The following FREM1 variants were observed in gnomAD, a reference collection of about 807,000 sequenced individuals.
FREM1 encodes FRAS1 related extracellular matrix 1, also known as FRAS1-related extracellular matrix protein 1.
A neutral mutation model predicts 210.1 loss-of-function variants in FREM1; 220 were observed. The ratio of observed to expected loss-of-function variants is 1.05; its 90% confidence interval spans 0.94 to 1.17. The LOEUF is 1.17. Among genes scored for constraint, FREM1 ranks in the 50% most tolerant of loss-of-function variants. The pLI is 0.00. For missense variants in FREM1, 3,454 were observed against 2,675.5 expected (o/e 1.29, Z -6.42); for synonymous variants, 1,189 against 980.2 (o/e 1.21, Z -3.98).
chr9:14,904,114 C>CAAAAA (rs35708320), intron 1 of FREM1, among the ~76,000 whole-genome samples: 2 of 71,652 alleles, frequency 2.8e-5, no homozygotes, highest in Non-Finnish European at 5.0e-5. Flanking sequence ...GACTCCGTCT[C>CAAAAA]AAAAAAAAAA....
rs1452400115 is a variant in FREM1, at chr9:14,792,011, A to AT, written c.3981+731dup. On this transcript the variant is annotated intron_variant, in intron 22 of 36. Coordinates refer to ENST00000380880, the MANE Select transcript of FREM1 (RefSeq NM_001379081.2). Reference sequence around the variant, plus strand: ...ATGTGTGTGCTGCCACACCCGGCTAATTTTTGCATTTTTAGTAGAGATGGG... The same window carrying AT: ...ATGTGTGTGCTGCCACACCCGGCTAATTTTTTGCATTTTTAGTAGAGATGGG... 3.9e-5 allele frequency among the ~76,000 whole-genome samples: 6 copies of AT among 152,016 alleles called. No individual in the cohort carries two copies. In the Middle Eastern group the frequency reaches 0.014, roughly 345 times the overall value.
rs747374127 is a variant in FREM1, at chr9:14,740,200, G to C, written c.6289C>G (p.Gln2097Glu). ...ATGTCCCAGAGCCACCGCATGTGCTGCCTGGAGAATACAGTTACAAGGTTG... is the reference window on the plus strand; with the variant it reads ...ATGTCCCAGAGCCACCGCATGTGCTCCCTGGAGAATACAGTTACAAGGTTG... ...LGNLVTVFSR[Q>E]HMRWLWDIGG... is the part of the protein sequence containing the mutation. The change falls in exon 36 of 37, where the codon CAG (glutamine) becomes GAG (glutamate). Residue 2097 changes from glutamine to glutamate, a missense_variant. By Grantham distance (29) the Gln-to-Glu change is conservative (BLOSUM62 2). Transcript: ENST00000380880. 3 of 1,613,078 alleles carry C rather than the reference G, an allele frequency of 1.9e-6. No homozygotes were observed. Among genetic ancestry groups the C allele is most frequent in the African/African-American group, 2.7e-5 (2 of 74,876 alleles).
rs575994576 is a variant in FREM1 at position 14,905,537 on chromosome 9, T to C, written c.-268+4377A>G. On this transcript the variant is annotated intron_variant, in intron 1 of 36. Transcript: ENST00000380880. ...TTTCACATTGCCCTTGATTTCTCAA[T>C]ACCAAACAATTTCATAGTCTTGAGC... Among the ~76,000 whole-genome samples, 5 of 152,318 alleles carry C rather than the reference T, an allele frequency of 3.3e-5. No homozygotes were observed. The South Asian group carries it at 1.0e-3, about 32-fold the overall frequency.
Position 14,857,723 on chromosome 9 carries a change from C to A in FREM1, c.658G>T (p.Gly220Cys). 6.2e-7 allele frequency: 1 copy of A among 1,608,704 alleles called. No homozygotes were observed. Among genetic ancestry groups the A allele is most frequent in the Non-Finnish European group, 8.5e-7 (1 of 1,177,304 alleles). ...TTTAATCCTGGGGTACAGCTCCCAC[C>A]TGGACACTTCAGTTTTGCTCTCAGT... ...SQLRAKLKCP[G>C]GSCTPGLKKI... The change falls in exon 5 of 37, where the codon GGT becomes TGT. Residue 220 changes from glycine (G) to cysteine (C), a missense_variant. Physicochemically the swap from Gly to Cys is radical, Grantham distance 159. Coordinates refer to ENST00000380880, the MANE Select transcript of FREM1 (RefSeq NM_001379081.2).
chr9:14,792,067 TC>T (rs1417611068), intron 22 of FREM1, among the ~76,000 whole-genome samples: 1 of 152,066 alleles, frequency 6.6e-6, no homozygotes, highest in Non-Finnish European at 1.5e-5. Flanking sequence ...ATGGTCTTGA[TC>T]TCCTGACCTT....
intron 13 of FREM1, among the ~76,000 whole-genome samples, chr9:14,822,270 C>A (rs59768450): frequency 0.17 from 25,127 of 152,092 alleles, 2,201 homozygotes; most frequent in African/African-American, 0.23. Flanking sequence ...CAGACTAATA[C>A]ACCCATCAAA....
intron 15 of FREM1, among the ~76,000 whole-genome samples, chr9:14,815,836 C>T (rs1469475815): frequency 1.3e-5 from 2 of 152,102 alleles, no homozygotes; most frequent in African/African-American, 2.4e-5. Flanking sequence ...TTAATAGAGA[C>T]AGGGTTTCGC....
At chr9:14,761,373 T>C (rs569087639) in intron 27 of FREM1, among the ~76,000 whole-genome samples, 3 of 152,308 alleles carry the variant, frequency 2.0e-5, no homozygotes, top group African/African-American at 7.2e-5. Flanking sequence ...TACCTGTTTA[T>C]TCAGTCAGAT....
chr9:14,861,139 A>ATATATACACATATATACG (rs764173096), intron 3 of FREM1, among the ~76,000 whole-genome samples: 1 of 124,510 alleles, frequency 8.0e-6, no homozygotes, highest in African/African-American at 3.4e-5. Context: ...ACATATATAC[A>ATATATACACATATATACG]TATATACACA....
At position 14,842,095 on chromosome 9, in the gene FREM1, A is replaced by G. The variant is rs532220370; in HGVS notation, c.1738+221T>C. Among the ~76,000 whole-genome samples the G allele has an allele frequency of 2.0e-5, 3 of 152,286 alleles. No homozygotes were observed. The South Asian group carries it at 6.2e-4, about 32-fold the overall frequency. ...TGGTTACTTTGAGGCTCAGCTCTGGAAATCTGTAGATGCACAACCTTGGAC... is the reference window on the plus strand; with the variant it reads ...TGGTTACTTTGAGGCTCAGCTCTGGGAATCTGTAGATGCACAACCTTGGAC... On this transcript the variant is annotated intron_variant, in intron 9 of 36. Coordinates refer to ENST00000380880, the MANE Select transcript of FREM1 (RefSeq NM_001379081.2).
intron 10 of FREM1, among the ~76,000 whole-genome samples, chr9:14,835,355 A>G (rs751248100): frequency 3.9e-5 from 6 of 152,356 alleles, no homozygotes; most frequent in South Asian, 2.1e-4. Flanking sequence ...ATGGCAATAC[A>G]GTTGTTTGCA....
At chr9:14,838,711 T>A (rs1825081480) in intron 10 of FREM1, among the ~76,000 whole-genome samples, 1 of 152,214 alleles carries the variant, frequency 6.6e-6, no homozygotes, top group Admixed American at 6.5e-5. Flanking sequence ...GGGTCTACAA[T>A]GAGTCAGATA....
chr9:14,876,619 C>T (rs1388082741), intron 1 of FREM1, among the ~76,000 whole-genome samples: 9 of 152,174 alleles, frequency 5.9e-5, no homozygotes, highest in Admixed American at 5.9e-4. Flanking sequence ...CTCCCTGATC[C>T]CTTGCGCTTC....
Position 14,801,772 on chromosome 9 carries a change from G to T in FREM1, c.3574C>A (p.Arg1192Ser). ...CCCCTATCGATGAGGAGGCCATGGC[G>T]TGGCTTTTGAGTGATGCTGAACAGC... ...ALLFSITQKP[R>S]HGLLIDRGFS... is the part of the protein sequence containing the mutation. The change falls in exon 20 of 37, where the codon CGC (arginine) becomes AGC (serine). Residue 1192 changes from arginine to serine, a missense_variant. Arg to Ser is a moderately radical substitution (Grantham distance 110, BLOSUM62 -1). Transcript: ENST00000380880. The T allele has an allele frequency of 1.2e-6, 2 of 1,613,908 alleles. No homozygotes were observed. The highest frequency in any genetic ancestry group is 1.7e-6 in the Non-Finnish European group (2 of 1,179,810).
At position 14,868,881 on chromosome 9, in the gene FREM1, T is replaced by C; in HGVS notation, c.97A>G (p.Arg33Gly). Residue 33 changes from arginine (R) to glycine (G), a missense_variant, in exon 2 of 37, where the codon AGG (arginine) becomes GGG (glycine). By Grantham distance (125) the Arg-to-Gly change is moderately radical (BLOSUM62 -2). Coordinates refer to ENST00000380880, the MANE Select transcript of FREM1 (RefSeq NM_001379081.2). ...AAGGCAGAGTGGCCCTTCATCACCC[T>C]CACCCCGCGGTTGATGCTGATGAAG... Reference protein sequence around the residue: ...PTFISINRGVRVMKGHSAFLS... With the variant: ...PTFISINRGVGVMKGHSAFLS... The C allele has an allele frequency of 6.2e-7, 1 of 1,607,382 alleles. No individual in the cohort carries two copies. Among genetic ancestry groups the C allele is most frequent in the Middle Eastern group, 1.7e-4 (1 of 5,934 alleles).
chr9:14,765,171 A>G (rs1846167878), intron 27 of FREM1, among the ~76,000 whole-genome samples: 1 of 152,238 alleles, frequency 6.6e-6, no homozygotes, highest in South Asian at 2.1e-4. Flanking sequence ...TTTTTCAAGT[A>G]TCCAATCTAA....
intron 13 of FREM1, 24 bp from the exon 14 acceptor site, chr9:14,819,466 C>T (rs1453714354): frequency 3.4e-6 from 5 of 1,492,322 alleles, no homozygotes; most frequent in South Asian, 2.3e-5. Flanking sequence ...AGGAAGGAAA[C>T]ATTCAAAGCC....
At chr9:14,756,334 A>G in intron 29 of FREM1, 40 bp downstream of exon 29, 1 of 1,484,584 alleles carries the variant, frequency 6.7e-7, no homozygotes. Context: ...AAAAAACAAA[A>G]AACAAAACAC....
At chr9:14,844,521 G>A (rs528035050) in intron 8 of FREM1, among the ~76,000 whole-genome samples, 24 of 152,208 alleles carry the variant, frequency 1.6e-4, no homozygotes, top group African/African-American at 3.9e-4. Flanking sequence ...CACTGTGCCC[G>A]GCCAGAGACT....
Sources: gnomAD v4.1 joint callset for allele counts (sites outside exome capture counted in the v4.1 genomes callset) on GRCh38, gnomAD v4.1.1 for gene constraint, MANE v1.5 for transcripts, NCBI Gene and HGNC (gene_info 2026-07-23, HGNC 2026-07-21) for gene names.